Variants in PAFAH1B1 observed in about 807,000 individuals in gnomAD.
The protein encoded by PAFAH1B1 is platelet-activating factor acetylhydrolase IB subunit beta.
PAFAH1B1 carries 2 observed loss-of-function variants against 57.5 expected under a neutral mutation model. The observed-to-expected ratio is 0.03, with a 90% CI of 0.01 to 0.11. PAFAH1B1 has a LOEUF of 0.11. PAFAH1B1 is among the 10% of genes least tolerant of loss of function. The pLI is 1.00. For synonymous variants in PAFAH1B1, 152 were observed against 169.6 expected, an observed-to-expected ratio of 0.90 and a Z score of 0.81; for missense variants, 257 against 512.0, an observed-to-expected ratio of 0.50 and a Z score of 4.81.
intron 1 of PAFAH1B1, among the ~76,000 whole-genome samples, chr17:2,610,898 G>A (rs2068260493): frequency 1.3e-5 from 2 of 152,210 alleles, no homozygotes; most frequent in African/African-American, 4.8e-5. Flanking sequence ...GTCTTTCAGT[G>A]TCTGATGAGT....
At chr17:2,640,164 C>G (rs186222721) in intron 2 of PAFAH1B1, 1 of 152,192 alleles carries the variant, frequency 6.6e-6, no homozygotes, top group Non-Finnish European at 1.5e-5. Context: ...TTAAGTAGTT[C>G]CCCAAAATAA....
At chr17:2,676,424 A>G (rs1427440983) in intron 8 of PAFAH1B1, 81 bp from the exon 9 acceptor site, 2 of 879,426 alleles carry the variant, frequency 2.3e-6, no homozygotes, top group South Asian at 1.4e-5. Context: ...GGAAATATAT[A>G]TCATTATTAG....
At chr17:2,658,581 T>C (rs1278041462) in intron 2 of PAFAH1B1, among the ~76,000 whole-genome samples, 1 of 152,166 alleles carries the variant, frequency 6.6e-6, no homozygotes, top group Non-Finnish European at 1.5e-5. Flanking sequence ...AGCCGTCTGA[T>C]GAAAAGAAAT....
chr17:2,594,054 C>T (rs935645346), intron 1 of PAFAH1B1, 48 bp downstream of exon 1: 4 of 398,156 alleles, frequency 1.0e-5, no homozygotes, highest in Non-Finnish European at 1.8e-5. Flanking sequence ...CTCCACCGCG[C>T]CCGGGCGGCT....
At chr17:2,608,298 C>T (rs1433376903) in intron 1 of PAFAH1B1, among the ~76,000 whole-genome samples, 2 of 152,098 alleles carry the variant, frequency 1.3e-5, no homozygotes, top group African/African-American at 4.8e-5. Context: ...GTTGGCCAGG[C>T]TGGTCTCGAA....
At chr17:2,667,229 G>T in intron 5 of PAFAH1B1, 31 bp downstream of exon 5, 1 of 1,542,356 alleles carries the variant, frequency 6.5e-7, no homozygotes, top group Non-Finnish European at 9.0e-7. Context: ...GACTTAACGG[G>T]AGGCTGAAGC....
intron 7 of PAFAH1B1, chr17:2,673,656 A>C (rs976674252): frequency 6.9e-5 from 13 of 187,366 alleles, no homozygotes; most frequent in Non-Finnish European, 1.2e-4. Flanking sequence ...AAAAACAAAA[A>C]GTAAATAATC....
At chr17:2,649,088 G>A (rs12150218) in intron 2 of PAFAH1B1, among the ~76,000 whole-genome samples, 42,235 of 151,410 alleles carry the variant, frequency 0.28, 6,034 homozygotes, top group Middle Eastern at 0.35. Context: ...GCTCACACCT[G>A]TAACCCGAGC....
chr17:2,600,389 G>A (rs577878532), intron 1 of PAFAH1B1, among the ~76,000 whole-genome samples: 1 of 151,874 alleles, frequency 6.6e-6, no homozygotes, highest in East Asian at 2.0e-4. Flanking sequence ...GGCCAATGTG[G>A]TGAAACCCTG....
At chr17:2,656,452 T>G (rs2068937558) in intron 2 of PAFAH1B1, among the ~76,000 whole-genome samples, 2 of 151,840 alleles carry the variant, frequency 1.3e-5, no homozygotes, top group African/African-American at 4.8e-5. Flanking sequence ...CTCATCTTTT[T>G]TTTTTTTCAA....
chr17:2,679,448 AGATGGATGATTGGATGGATG>A (rs1567562764), intron 9 of PAFAH1B1, among the ~76,000 whole-genome samples: 5 of 128,752 alleles, frequency 3.9e-5, no homozygotes, highest in Non-Finnish European at 8.3e-5. Flanking sequence ...TTGGATGGAT[AGATGGATGATTGGATGGATG>A]GATGGATGAT....
chr17:2,631,604 G>C (rs750198720), intron 1 of PAFAH1B1, among the ~76,000 whole-genome samples: 1 of 152,114 alleles, frequency 6.6e-6, no homozygotes, highest in Non-Finnish European at 1.5e-5. Flanking sequence ...GACTGCAAAC[G>C]GACCTTCAGC....
chr17:2,628,154 C>T (rs888546486), intron 1 of PAFAH1B1, among the ~76,000 whole-genome samples: 1 of 152,106 alleles, frequency 6.6e-6, no homozygotes, highest in Non-Finnish European at 1.5e-5. Context: ...TTGTCTTGTT[C>T]GAGTTCTCAG....
chr17:2,685,494 C>G lies in PAFAH1B1; in HGVS notation c.*3692C>G, dbSNP rs1269629677. 6.6e-6 allele frequency: 1 copy of G among 152,520 alleles called. No homozygotes were observed. Among genetic ancestry groups the G allele is most frequent in the Non-Finnish European group, 1.5e-5 (1 of 68,024 alleles). 9.4% of individuals were successfully genotyped at this position (152,520 alleles called of 1,614,324 possible). ...GTAAAGGAATGTATATAATATTGCT[C>G]TCGTGTTTTACAGTAAGATTTGTTG... On this transcript the variant is annotated 3_prime_UTR_variant, in exon 11 of 11. Transcript: ENST00000397195.
chr17:2,679,585 G>C (rs2069341885), intron 9 of PAFAH1B1: 1 of 140,468 alleles, frequency 7.1e-6, no homozygotes, highest in Non-Finnish European at 1.6e-5. Context: ...TGATTGGATG[G>C]ATAGATAGAT....
At chr17:2,620,853 ACT>A (rs1428513033) in intron 1 of PAFAH1B1, among the ~76,000 whole-genome samples, 2 of 152,034 alleles carry the variant, frequency 1.3e-5, no homozygotes, top group Non-Finnish European at 2.9e-5. Context: ...CAAGAGCAAA[ACT>A]CTGTCTCAAA....
intron 1 of PAFAH1B1, among the ~76,000 whole-genome samples, chr17:2,622,156 A>G (rs780700945): frequency 1.6e-4 from 24 of 152,184 alleles, no homozygotes; most frequent in Admixed American, 1.2e-3. Flanking sequence ...GGGTGAGGAC[A>G]CAGCCAAACC....
At chr17:2,628,504 C>G (rs2068519719) in intron 1 of PAFAH1B1, among the ~76,000 whole-genome samples, 1 of 151,936 alleles carries the variant, frequency 6.6e-6, no homozygotes, top group African/African-American at 2.4e-5. Flanking sequence ...ATTTTAGCAT[C>G]TATGTTCATT....
intron 6 of PAFAH1B1, among the ~76,000 whole-genome samples, chr17:2,672,074 G>A (rs1341711176): frequency 6.6e-6 from 1 of 152,034 alleles, no homozygotes; most frequent in Non-Finnish European, 1.5e-5. Context: ...TTCGAGACCA[G>A]TGTGAGCAAA....
Sources: allele counts gnomAD v4.1 joint callset (sites outside exome capture counted in the v4.1 genomes callset), GRCh38; gene constraint gnomAD v4.1.1; transcripts MANE v1.5; gene names NCBI Gene and HGNC (gene_info 2026-07-23, HGNC 2026-07-21).